RBP2: variants seen among roughly 807,000 people sequenced by gnomAD.
RBP2 encodes retinol binding protein 2, also known as retinol-binding protein 2.
A neutral mutation model predicts 17.0 loss-of-function variants in RBP2; 17 were observed. The ratio of observed to expected loss-of-function variants is 1.00; its 90% CI spans 0.68 to 1.50. RBP2 has a LOEUF of 1.50. Ranked by LOEUF, RBP2 falls within the 40% of genes most tolerant of loss-of-function variation. The probability of loss-of-function intolerance (pLI) is 0.00; values close to 1 mark genes in which losing one functional copy is unlikely to be tolerated. For synonymous variants in RBP2, 48 were observed against 57.1 expected, an observed-to-expected ratio of 0.84 and a Z score of 0.72; for missense variants, 158 against 168.2, an observed-to-expected ratio of 0.94 and a Z score of 0.33.
intron 1 of RBP2, among the ~76,000 whole-genome samples, chr3:139,462,558 A>ACACACACAC (rs1933225306): frequency 1.6e-5 from 2 of 121,346 alleles, no homozygotes; most frequent in South Asian, 2.8e-4. Flanking sequence ...GCAGCTCCCC[A>ACACACACAC]ACACACACAC....
chr3:139,453,264 A>C, intron 3 of RBP2, 98 bp from the exon 4 acceptor site: 1 of 1,362,440 alleles, frequency 7.3e-7, no homozygotes, highest in Non-Finnish European at 1.0e-6. Flanking sequence ...GGTTGGAATA[A>C]AGAGGACACT....
rs1933314518 is a variant in RBP2, at chr3:139,465,135, G to T, written c.74-2845C>A. Among the ~76,000 whole-genome samples, 3 of 152,184 alleles carry T rather than the reference G, an allele frequency of 2.0e-5. No individual in the cohort carries two copies. In the South Asian group the frequency reaches 6.2e-4, roughly 31 times the overall value. On this transcript the variant is annotated intron_variant, in intron 1 of 3. Coordinates refer to ENST00000232217, the MANE Select transcript of RBP2 (RefSeq NM_004164.3). ...ATGTGTAGAGAGATTGAGTTGGAAG[G>T]AAGAAACAGTTGTTCTGAGCTTGGA...
Position 139,459,400 on chromosome 3 carries a change from A to ATATATATGTGTG in RBP2, c.252+2711_252+2712insCACACATATATA, listed in dbSNP as rs111417242. ...GTGAAACCCTGTTTCTACTATATAT[A>ATATATATGTGTG]TGTGTGTGTGTGTGTGTGTGTGTGT... On this transcript the variant is annotated intron_variant, in intron 2 of 3. Coordinates refer to ENST00000232217, the MANE Select transcript of RBP2 (RefSeq NM_004164.3). 2.1e-4 allele frequency among the ~76,000 whole-genome samples: 27 copies of ATATATATGTGTG among 128,560 alleles called. 2 individuals are homozygous for ATATATATGTGTG. In the East Asian group the frequency reaches 6.3e-3, roughly 30 times the overall value. The allele number at this position is 128,560 out of a possible 152,430, so 84.3% of individuals were successfully genotyped here.
intron 2 of RBP2, 76 bp downstream of exon 2, chr3:139,462,036 T>G: frequency 6.7e-7 from 1 of 1,486,596 alleles, no homozygotes; most frequent in Non-Finnish European, 9.2e-7. Flanking sequence ...CTAATATTTT[T>G]TTTTTCATCA....
At position 139,471,466 on chromosome 3, in the gene RBP2, T is replaced by C. The variant is rs540651313; in HGVS notation, c.73+4921A>G. ...GCTTTCAGAGACCCACTAGAACTGT[T>C]TGTGATAGCCACTGCACTTTTAAGT... On this transcript the variant is annotated intron_variant, in intron 1 of 3. Transcript: ENST00000232217. Among the ~76,000 whole-genome samples the C allele has an allele frequency of 2.6e-5, 4 of 152,306 alleles. 1 individual carries two copies. In the South Asian group the frequency reaches 8.3e-4, roughly 32 times the overall value.
At chr3:139,462,469 G>A (rs1933221757) in intron 1 of RBP2, among the ~76,000 whole-genome samples, 179 bp from the exon 2 acceptor site, 1 of 151,750 alleles carries the variant, frequency 6.6e-6, no homozygotes, top group Non-Finnish European at 1.5e-5. Flanking sequence ...CAGTTGCTGG[G>A]AAACCTAGGA....
chr3:139,468,241 A>G (rs777582003), intron 1 of RBP2, among the ~76,000 whole-genome samples: 15 of 152,236 alleles, frequency 9.9e-5, no homozygotes, highest in Non-Finnish European at 1.5e-5. Flanking sequence ...AGAGCTACCC[A>G]GTTAGGATAG....
At position 139,455,698 on chromosome 3, in the gene RBP2, CAG is replaced by C. The variant is rs372972655; in HGVS notation, c.253-870_253-869del. 4.4e-3 allele frequency among the ~76,000 whole-genome samples: 675 copies of C among 152,264 alleles called. 7 individuals carry two copies. Among genetic ancestry groups the C allele is most frequent in the African/African-American group, 0.016 (655 of 41,556 alleles). Reference sequence around the variant, plus strand: ...AAGGCAGGGGAGCTCCCTAAATAATCAGGGGGTTGCCCAGATGGCTCCAGTAC... The same window carrying C: ...AAGGCAGGGGAGCTCCCTAAATAATCGGGGTTGCCCAGATGGCTCCAGTAC... On this transcript the variant is annotated intron_variant, in intron 2 of 3. Coordinates refer to ENST00000232217, the MANE Select transcript of RBP2 (RefSeq NM_004164.3).
intron 2 of RBP2, among the ~76,000 whole-genome samples, chr3:139,455,317 C>T (rs1442067078): frequency 6.6e-6 from 1 of 152,162 alleles, no homozygotes; most frequent in Non-Finnish European, 1.5e-5. Flanking sequence ...GAACCAACAG[C>T]TTACAAGGGG....
intron 1 of RBP2, among the ~76,000 whole-genome samples, chr3:139,467,865 C>T (rs1933418894): frequency 6.6e-6 from 1 of 152,180 alleles, no homozygotes; most frequent in African/African-American, 2.4e-5. Context: ...CTGTCATAGA[C>T]TTGGTCTGTC....
chr3:139,453,277 G>T, intron 3 of RBP2, 111 bp from the exon 4 acceptor site: 2 of 1,194,924 alleles, frequency 1.7e-6, no homozygotes, highest in East Asian at 4.9e-5. Flanking sequence ...AGGACACTTA[G>T]GTATTCTGGG....
chr3:139,455,626 C>T (rs1189239672), intron 2 of RBP2, among the ~76,000 whole-genome samples: 1 of 152,128 alleles, frequency 6.6e-6, no homozygotes, highest in Admixed American at 6.6e-5. Context: ...GGGAATTTCT[C>T]CTTCAGGAAT....
chr3:139,462,021 T>A, intron 2 of RBP2, 91 bp downstream of exon 2: 1 of 1,380,280 alleles, frequency 7.2e-7, no homozygotes, highest in Non-Finnish European at 1.0e-6. Context: ...TTTCCCAGGT[T>A]GTTTCTAATA....
At chr3:139,473,120 G>A (rs1018191073) in intron 1 of RBP2, among the ~76,000 whole-genome samples, 1 of 152,178 alleles carries the variant, frequency 6.6e-6, no homozygotes, top group Non-Finnish European at 1.5e-5. Flanking sequence ...AGTTCCTCAG[G>A]GCAAAAGAGT....
Position 139,454,803 on chromosome 3 carries a change from G to A in RBP2, c.280C>T (p.Leu94Phe). Residue 94 changes from leucine (L) to phenylalanine (F), a missense_variant, in exon 3 of 4, where the codon CTT (leucine) becomes TTT (phenylalanine). Physicochemically the swap from Leu to Phe is conservative, Grantham distance 22 (BLOSUM62 0). Transcript: ENST00000232217. ...KALVTWEGDV[L>F]VCVQKGEKEN... ...TTCTCCCCCTTTTGCACACACACAA[G>A]GACATCACCTTCCCAGGTGACCAGT... The A allele has an allele frequency of 2.5e-6, 4 of 1,614,158 alleles. No individual in the cohort carries two copies. Among genetic ancestry groups the A allele is most frequent in the South Asian group, 2.2e-5 (2 of 91,080 alleles).
chr3:139,462,388 T>C, intron 1 of RBP2, 98 bp from the exon 2 acceptor site: 1 of 1,244,406 alleles, frequency 8.0e-7, no homozygotes, highest in Non-Finnish European at 1.2e-6. Flanking sequence ...ACACAGATTG[T>C]GTGTAGGCCA....
At chr3:139,457,554 A>G (rs1933014503) in intron 2 of RBP2, among the ~76,000 whole-genome samples, 1 of 152,234 alleles carries the variant, frequency 6.6e-6, no homozygotes, top group Non-Finnish European at 1.5e-5. Context: ...TAAATTGGTT[A>G]CCAATAAATT....
chr3:139,468,289 C>T (rs1253622466), intron 1 of RBP2, among the ~76,000 whole-genome samples: 2 of 152,186 alleles, frequency 1.3e-5, no homozygotes, highest in African/African-American at 4.8e-5. Context: ...ATTCTGTTGT[C>T]ATTTGCAACT....
intron 1 of RBP2, among the ~76,000 whole-genome samples, chr3:139,475,197 G>A (rs899997227): frequency 6.6e-6 from 1 of 151,732 alleles, no homozygotes; most frequent in African/African-American, 2.4e-5. Flanking sequence ...GCGGGTGCCT[G>A]TAGTCCCAGC....
Sources: gnomAD v4.1 joint callset for allele counts (sites outside exome capture counted in the v4.1 genomes callset) on GRCh38, gnomAD v4.1.1 for gene constraint, MANE v1.5 for transcripts, NCBI Gene and HGNC (gene_info 2026-07-23, HGNC 2026-07-21) for gene names.